Variants in PARD3B observed in about 807,000 individuals in gnomAD.
PARD3B encodes the protein par-3 family cell polarity regulator beta.
In PARD3B, 103 loss-of-function variants were observed where a neutral mutation model predicts 130.2. The ratio of observed to expected loss-of-function variants is 0.79; its 90% CI spans 0.67 to 0.93. The LOEUF (loss-of-function observed/expected upper bound fraction) is 0.93, where lower values mean the gene tolerates loss of function less well. PARD3B is among the 40% of genes least tolerant of loss of function. The probability of loss-of-function intolerance (pLI) is 0.00; values close to 1 mark genes in which losing one functional copy is unlikely to be tolerated. For missense variants in PARD3B, 1,609 were observed against 1,499.2 expected (o/e 1.07, Z -1.21); for synonymous variants, 583 against 553.2 (o/e 1.05, Z -0.76).
At chr2:204,609,075 G>A (rs568389331) in intron 1 of PARD3B, among the ~76,000 whole-genome samples, 3 of 152,280 alleles carry the variant, frequency 2.0e-5, no homozygotes, top group African/African-American at 7.2e-5. Context: ...TGTTTTTAAA[G>A]TTAAATTAAA....
rs989228580 is a variant in PARD3B at position 205,619,341 on chromosome 2, C to G, written c.*3528C>G. On this transcript the variant is annotated 3_prime_UTR_variant, in exon 23 of 23. Coordinates refer to ENST00000406610, the MANE Select transcript of PARD3B (RefSeq NM_001302769.2). ...GAACATTGTAGCATTTCAGGAGGGT[C>G]GAGAGATCTAAAGAGTTTGGTCTGA... The G allele has an allele frequency of 2.0e-5, 3 of 152,160 alleles. No individual in the cohort carries two copies. Among genetic ancestry groups the G allele is most frequent in the Non-Finnish European group, 4.4e-5 (3 of 68,030 alleles). 9.4% of individuals were successfully genotyped at this position (152,160 alleles called of 1,614,324 possible). A position where few individuals can be genotyped will look rare whatever the true frequency, so the allele number is the denominator to read the frequency against.
intron 3 of PARD3B, 29 bp downstream of exon 3, chr2:204,965,352 C>A (rs886663932): frequency 1.9e-6 from 3 of 1,599,780 alleles, no homozygotes; most frequent in Non-Finnish European, 2.6e-6. Context: ...ATATTCTTTT[C>A]ACCTGACTGA....
At chr2:204,730,949 C>T (rs1254804654) in intron 2 of PARD3B, among the ~76,000 whole-genome samples, 1 of 152,100 alleles carries the variant, frequency 6.6e-6, no homozygotes, top group Non-Finnish European at 1.5e-5. Context: ...CACTCTTTGC[C>T]CAGATTTCAG....
At chr2:204,939,900 A>G (rs1421926377) in intron 2 of PARD3B, among the ~76,000 whole-genome samples, 2 of 152,182 alleles carry the variant, frequency 1.3e-5, no homozygotes, top group South Asian at 2.1e-4. Context: ...TTGGCCCCAA[A>G]TGTACTTAAA....
intron 21 of PARD3B, among the ~76,000 whole-genome samples, chr2:205,526,570 G>A (rs2051346396): frequency 6.6e-6 from 1 of 152,126 alleles, no homozygotes; most frequent in South Asian, 2.1e-4. Context: ...TGCTGTTTAT[G>A]GCACTTACTG....
chr2:204,602,673 G>A (rs572109775), intron 1 of PARD3B, among the ~76,000 whole-genome samples: 1 of 151,528 alleles, frequency 6.6e-6, no homozygotes, highest in South Asian at 2.1e-4. Context: ...CCCTTATTGT[G>A]TAAAGGGCTC....
chr2:205,440,235 A>C lies in PARD3B; in HGVS notation c.2742-135A>C. The stretch of plus-strand genomic sequence containing the variant: ...CTTCTTATGCTGTTGGCATTTCTGC[A>C]TGCTGTGATCTTGAGTAAACAGGAG... On this transcript the variant is annotated intron_variant, in intron 19 of 22. Transcript: ENST00000406610. This position sits in a 1 kb window ranked among gnomAD's most constrained non-coding sequence, Gnocchi z 4.2. 2 of 827,416 alleles carry C rather than the reference A, an allele frequency of 2.4e-6. No homozygotes were observed. Among genetic ancestry groups the C allele is most frequent in the South Asian group, 3.6e-5 (2 of 55,184 alleles). The allele number at this position is 827,416 out of a possible 1,614,324, so 51.3% of individuals were successfully genotyped here. A position where few individuals can be genotyped will look rare whatever the true frequency, so the allele number is the denominator to read the frequency against.
intron 1 of PARD3B, among the ~76,000 whole-genome samples, chr2:204,632,160 A>C (rs1379313011): frequency 2.0e-5 from 3 of 152,000 alleles, no homozygotes; most frequent in African/African-American, 7.2e-5. Flanking sequence ...TAGTCATTTT[A>C]AAGTGTGTGG....
chr2:205,417,596 C>T (rs2046823980), intron 19 of PARD3B, among the ~76,000 whole-genome samples: 1 of 152,170 alleles, frequency 6.6e-6, no homozygotes, highest in Non-Finnish European at 1.5e-5. Flanking sequence ...TGAGAGATCA[C>T]CAAAGGGTAG....
chr2:205,538,220 C>T (rs971566876), intron 21 of PARD3B, among the ~76,000 whole-genome samples: 1 of 152,140 alleles, frequency 6.6e-6, no homozygotes, highest in Non-Finnish European at 1.5e-5. Flanking sequence ...ATACTGAAGG[C>T]TCTCAGAAAA....
intron 1 of PARD3B, among the ~76,000 whole-genome samples, chr2:204,643,109 GTC>G (rs1398988645): frequency 0.029 from 242 of 8,408 alleles, 2 homozygotes; most frequent in African/African-American, 0.05. Context: ...GGGAGACTCT[GTC>G]TCACAAAAAA....
At chr2:204,827,381 A>G (rs1345740525) in intron 2 of PARD3B, among the ~76,000 whole-genome samples, 1 of 152,200 alleles carries the variant, frequency 6.6e-6, no homozygotes, top group Non-Finnish European at 1.5e-5. Context: ...CATGTATTAC[A>G]TGAAAATATT....
At chr2:205,409,432 T>A (rs1011471934) in intron 19 of PARD3B, among the ~76,000 whole-genome samples, 2 of 152,146 alleles carry the variant, frequency 1.3e-5, no homozygotes, top group African/African-American at 4.8e-5. Flanking sequence ...ATCTTTACAT[T>A]TATTTGATCT....
chr2:205,089,799 G>C (rs533031285), intron 4 of PARD3B, among the ~76,000 whole-genome samples: 1 of 152,250 alleles, frequency 6.6e-6, no homozygotes, highest in South Asian at 2.1e-4. Context: ...CAGTCTTTAA[G>C]AAAGAATGAA....
chr2:205,443,943 A>T (rs1374887768), intron 20 of PARD3B, among the ~76,000 whole-genome samples: 1 of 152,124 alleles, frequency 6.6e-6, no homozygotes, highest in African/African-American at 2.4e-5. Context: ...GTTGGAGACC[A>T]GCCTGAGCAA....
rs779969171 is a variant in PARD3B, at chr2:205,379,138, T to C, written c.2631-21875T>C. Among the ~76,000 whole-genome samples the C allele has an allele frequency of 3.9e-5, 6 of 152,274 alleles. No homozygotes were observed. The South Asian group carries it at 8.3e-4, about 21-fold the overall frequency. ...ACAGACTTTGATTGAAAAATTGTAC[T>C]GAATTTGAAACACATGAGCAATGGT... is the stretch of plus-strand genomic sequence containing the variant. On this transcript the variant is annotated intron_variant, in intron 18 of 22. Transcript: ENST00000406610.
chr2:204,633,518 C>CT (rs1354426989), intron 1 of PARD3B, among the ~76,000 whole-genome samples: 2 of 152,024 alleles, frequency 1.3e-5, no homozygotes, highest in African/African-American at 4.8e-5. Flanking sequence ...TCTTTTTTTA[C>CT]TTTTTAAAAA....
At chr2:205,157,746 G>A (rs2034267385) in intron 10 of PARD3B, among the ~76,000 whole-genome samples, 1 of 152,164 alleles carries the variant, frequency 6.6e-6, no homozygotes, top group African/African-American at 2.4e-5. Flanking sequence ...ATTTCCAGGA[G>A]TATCTCATTG....
chr2:205,169,987 G>A (rs570400406), intron 11 of PARD3B, among the ~76,000 whole-genome samples: 2 of 147,930 alleles, frequency 1.4e-5, no homozygotes, highest in East Asian at 4.0e-4. Context: ...TTGGAGTGCA[G>A]TGGCGCCATC....
Sources: allele counts gnomAD v4.1 joint callset (sites outside exome capture counted in the v4.1 genomes callset), GRCh38; gene constraint gnomAD v4.1.1; non-coding constraint Gnocchi (gnomAD v3.1); transcripts MANE v1.5; gene names NCBI Gene and HGNC (gene_info 2026-07-23, HGNC 2026-07-21).